The following COMMD10 variants were observed in gnomAD, a reference collection of about 807,000 sequenced individuals.
The protein encoded by COMMD10 is COMM domain containing 10.
In COMMD10, 33 loss-of-function variants were observed where a neutral mutation model predicts 28.9. That is an observed-to-expected ratio of 1.14 (90% CI 0.87 to 1.53). The LOEUF (loss-of-function observed/expected upper bound fraction) is 1.53. COMMD10 is among the 40% of genes most tolerant of loss of function. The pLI, the probability that COMMD10 is intolerant of heterozygous loss-of-function variation, is 0.00. For synonymous variants in COMMD10, 110 were observed against 81.7 expected, an observed-to-expected ratio of 1.35 and a Z score of -1.87; for missense variants, 310 against 233.4, an observed-to-expected ratio of 1.33 and a Z score of -2.14.
chr5:116,266,787 T>C (rs1159758243), intron 5 of COMMD10, among the ~76,000 whole-genome samples: 1 of 151,382 alleles, frequency 6.6e-6, no homozygotes. Context: ...CAAGGCTGGT[T>C]CAACATACGC....
At chr5:116,212,101 C>A (rs1025055975) in intron 5 of COMMD10, among the ~76,000 whole-genome samples, 1 of 152,100 alleles carries the variant, frequency 6.6e-6, no homozygotes, top group Non-Finnish European at 1.5e-5. Flanking sequence ...TTAATTCCTT[C>A]CCCTGAACAC....
chr5:116,139,580 C>T (rs761966084), intron 5 of COMMD10, among the ~76,000 whole-genome samples: 198 of 139,264 alleles, frequency 1.4e-3, no homozygotes, highest in Non-Finnish European at 7.7e-4. Flanking sequence ...TATGTGAGTT[C>T]GTCTGCATTT....
chr5:116,220,272 C>T (rs1459366439), intron 5 of COMMD10, among the ~76,000 whole-genome samples: 1 of 152,170 alleles, frequency 6.6e-6, no homozygotes, highest in Non-Finnish European at 1.5e-5. Context: ...CAAACACATT[C>T]TGTCTCATTC....
intron 4 of COMMD10, among the ~76,000 whole-genome samples, chr5:116,117,117 T>C (rs1195189034): frequency 6.6e-6 from 1 of 152,216 alleles, no homozygotes; most frequent in Non-Finnish European, 1.5e-5. Flanking sequence ...AATTCTTTTA[T>C]TGCTAAGTGT....
rs1580432128 is a variant in COMMD10 at position 116,086,517 on chromosome 5, G to A, written c.42-980G>A. Reference sequence around the variant, plus strand: ...CTTGTTGCGCAGGCTGGAGTGCAATGGCGCCATCTCGGCTCACTGCAGCCT... The same window carrying A: ...CTTGTTGCGCAGGCTGGAGTGCAATAGCGCCATCTCGGCTCACTGCAGCCT... On this transcript the variant is annotated intron_variant, in intron 1 of 6. Transcript: ENST00000274458. Among the ~76,000 whole-genome samples the A allele has an allele frequency of 2.0e-5, 3 of 151,974 alleles. No individual in the cohort carries two copies. The South Asian group carries it at 6.2e-4, about 32-fold the overall frequency.
At chr5:116,227,601 G>A (rs944912829) in intron 5 of COMMD10, among the ~76,000 whole-genome samples, 2 of 152,082 alleles carry the variant, frequency 1.3e-5, no homozygotes, top group Non-Finnish European at 1.5e-5. Context: ...TATGGAACAT[G>A]TCCAGAAATA....
At chr5:116,200,461 G>A (rs779032866) in intron 5 of COMMD10, among the ~76,000 whole-genome samples, 7 of 151,820 alleles carry the variant, frequency 4.6e-5, no homozygotes, top group Non-Finnish European at 8.8e-5. Context: ...CTATGGTTTC[G>A]TATCTGACAT....
At chr5:116,140,285 G>C (rs9942399) in intron 5 of COMMD10, among the ~76,000 whole-genome samples, 2 of 150,406 alleles carry the variant, frequency 1.3e-5, no homozygotes, top group East Asian at 3.9e-4. Flanking sequence ...ATGTCTATGC[G>C]TATATATATG....
Position 116,085,073 on chromosome 5 carries a change from G to A in COMMD10, c.21G>A (p.Leu7=), listed in dbSNP as rs752124091. 3 of 1,610,026 alleles carry A rather than the reference G, an allele frequency of 1.9e-6. No individual in the cohort carries two copies. The highest frequency in any genetic ancestry group is 1.7e-6 in the Non-Finnish European group (2 of 1,179,050). MAVPAA[L]ILRESPSMKK... Reference sequence around the variant, plus strand: ...CGAAGATGGCGGTCCCCGCGGCGCTGATCCTACGGGAGAGCCCCAGGTAGC... The same window carrying A: ...CGAAGATGGCGGTCCCCGCGGCGCTAATCCTACGGGAGAGCCCCAGGTAGC... The change falls in exon 1 of 7, where the codon CTG becomes CTA. Residue 7 remains leucine, a synonymous_variant. Transcript: ENST00000274458.
In COMMD10 at chr5:116,161,957, T is replaced by A. The variant is rs111378528; in HGVS notation, c.510+27779T>A. On this transcript the variant is annotated intron_variant, in intron 5 of 6. Coordinates refer to ENST00000274458, the MANE Select transcript of COMMD10 (RefSeq NM_016144.4). ...CTGCTAGTTACAGCATGGTCTTTTT[T>A]AAAATGAGAAACCAGAAGTTTTTCT... is the stretch of plus-strand genomic sequence containing the variant. 6.0e-3 allele frequency among the ~76,000 whole-genome samples: 909 copies of A among 152,332 alleles called. 9 individuals carry two copies. The highest frequency in any genetic ancestry group is 0.021 in the African/African-American group (877 of 41,570).
intron 5 of COMMD10, among the ~76,000 whole-genome samples, chr5:116,223,527 G>A (rs902959269): frequency 6.6e-6 from 1 of 152,084 alleles, no homozygotes; most frequent in African/African-American, 2.4e-5. Flanking sequence ...AATTTTAGAA[G>A]TTCTAAGAAA....
intron 5 of COMMD10, among the ~76,000 whole-genome samples, chr5:116,189,346 G>A (rs1748267020): frequency 6.6e-6 from 1 of 152,156 alleles, no homozygotes; most frequent in South Asian, 2.1e-4. Flanking sequence ...GCAGCATCCA[G>A]TGTCTCATAC....
chr5:116,213,621 G>T (rs1047249641), intron 5 of COMMD10, among the ~76,000 whole-genome samples: 7 of 152,030 alleles, frequency 4.6e-5, no homozygotes, highest in African/African-American at 1.7e-4. Flanking sequence ...TTTATAACCT[G>T]TTCAGAAGTC....
chr5:116,232,922 T>C (rs764834279), intron 5 of COMMD10, among the ~76,000 whole-genome samples: 3 of 152,180 alleles, frequency 2.0e-5, no homozygotes, highest in Non-Finnish European at 2.9e-5. Flanking sequence ...ACAAATGACA[T>C]TTAAATCCAG....
intron 5 of COMMD10, among the ~76,000 whole-genome samples, chr5:116,134,810 A>T (rs1032018459): frequency 2.0e-5 from 3 of 151,912 alleles, no homozygotes; most frequent in African/African-American, 7.3e-5. Flanking sequence ...TTTAGTAGAG[A>T]TGGGGTTTCA....
chr5:116,112,131 A>G (rs559545472), intron 4 of COMMD10, among the ~76,000 whole-genome samples: 1 of 152,308 alleles, frequency 6.6e-6, no homozygotes, highest in Non-Finnish European at 1.5e-5. Flanking sequence ...TATTCTGTTA[A>G]TAATCTGTCT....
intron 5 of COMMD10, among the ~76,000 whole-genome samples, chr5:116,146,164 C>T (rs1382376343): frequency 6.6e-6 from 1 of 151,812 alleles, no homozygotes; most frequent in Non-Finnish European, 1.5e-5. Context: ...CTTTTGCGAA[C>T]CTTTACCCTG....
chr5:116,114,153 C>T (rs564738506), intron 4 of COMMD10, among the ~76,000 whole-genome samples: 3 of 152,048 alleles, frequency 2.0e-5, no homozygotes, highest in Non-Finnish European at 4.4e-5. Context: ...GGTCCTTCTT[C>T]AGGTTTCAGT....
chr5:116,287,342 C>T (rs1201542113), intron 5 of COMMD10, among the ~76,000 whole-genome samples: 1 of 151,580 alleles, frequency 6.6e-6, no homozygotes, highest in Non-Finnish European at 1.5e-5. Flanking sequence ...TTCTTTGTGT[C>T]TTGTAATGGT....
Sources: gnomAD v4.1 joint callset for allele counts (sites outside exome capture counted in the v4.1 genomes callset) on GRCh38, gnomAD v4.1.1 for gene constraint, MANE v1.5 for transcripts, NCBI Gene and HGNC (gene_info 2026-07-23, HGNC 2026-07-21) for gene names.